PIK3C2A: variants seen among roughly 807,000 people sequenced by gnomAD.
PIK3C2A encodes phosphatidylinositol 4-phosphate 3-kinase C2 domain-containing subunit alpha.
In PIK3C2A, 97 loss-of-function variants were observed where a neutral mutation model predicts 204.5. That is an observed-to-expected ratio of 0.47 (90% CI 0.40 to 0.56). The LOEUF is 0.56. Among genes scored for constraint, PIK3C2A ranks in the 20% least tolerant of loss-of-function variants. The probability of loss-of-function intolerance (pLI) is 0.00; values close to 1 mark genes in which losing one functional copy is unlikely to be tolerated. For missense variants in PIK3C2A, 1,735 were observed against 1,969.2 expected, an observed-to-expected ratio of 0.88 and a Z score of 2.25; for synonymous variants, 653 against 664.4, an observed-to-expected ratio of 0.98 and a Z score of 0.26.
In PIK3C2A at chr11:17,092,032, G is replaced by T; in HGVS notation, c.4606C>A (p.Arg1536Ser). ...GCTATCCCTTCAGCTTTCTCATCAC[G>T]AAGTAAAGGGTGGAAGAAAGTACAA... ...LVCTFFHPLLRDEKAEGIARS... is the reference protein window; with the variant it reads ...LVCTFFHPLLSDEKAEGIARS... The change falls in exon 30 of 33, where the codon CGT becomes AGT. Residue 1536 changes from arginine (R) to serine (S), a missense_variant. This residue lies in a region of PIK3C2A where 503 missense variants were observed against 669.0 expected (regional missense o/e 0.75). Transcript: ENST00000691414. The T allele has an allele frequency of 6.2e-7, 1 of 1,611,370 alleles. No homozygotes were observed. Among genetic ancestry groups the T allele is most frequent in the Non-Finnish European group, 8.5e-7 (1 of 1,177,614 alleles).
rs368369418 is a variant in PIK3C2A, at chr11:17,149,007, T to C, written c.1328-220A>G. Among the ~76,000 whole-genome samples the C allele has an allele frequency of 7.9e-5, 12 of 152,294 alleles. No individual in the cohort carries two copies. The East Asian group carries it at 1.9e-3, about 24-fold the overall frequency. ...ATATGTTTTATTTAACCTAATACAGTTGGCCCTCTATATATGTTGGTTCTG... is the reference window on the plus strand; with the variant it reads ...ATATGTTTTATTTAACCTAATACAGCTGGCCCTCTATATATGTTGGTTCTG... On this transcript the variant is annotated intron_variant, in intron 4 of 32. Coordinates refer to ENST00000691414, the MANE Select transcript of PIK3C2A (RefSeq NM_002645.4).
At position 17,155,649 on chromosome 11, in the gene PIK3C2A, T is replaced by C; in HGVS notation, c.1066-20A>G. ...GTCTTTCTGTAATTAAAAAAGTGTT[T>C]TTATTTTAAAAGTGGAAGATCCACA... On this transcript the variant is annotated intron_variant, in intron 2 of 32. Transcript: ENST00000691414. 1 of 1,456,394 alleles carries C rather than the reference T, an allele frequency of 6.9e-7. No individual in the cohort carries two copies. Among genetic ancestry groups the C allele is most frequent in the South Asian group, 1.2e-5 (1 of 85,864 alleles). The allele number at this position is 1,456,394 out of a possible 1,614,324, so 90.2% of individuals were successfully genotyped here.
intron 32 of PIK3C2A, among the ~76,000 whole-genome samples, chr11:17,091,082 G>C (rs899379286): frequency 1.3e-5 from 2 of 151,962 alleles, no homozygotes. Flanking sequence ...TCAAAACAAT[G>C]GACACAGAGA....
chr11:17,143,797 C>T (rs557521049), intron 8 of PIK3C2A, among the ~76,000 whole-genome samples: 6 of 151,888 alleles, frequency 4.0e-5, no homozygotes, highest in East Asian at 1.9e-4. Flanking sequence ...ATTAGCCAGG[C>T]GTGGTGGCAC....
At position 17,119,841 on chromosome 11, in the gene PIK3C2A, G is replaced by A; in HGVS notation, c.2791C>T (p.Leu931Phe). Residue 931 changes from leucine (L) to phenylalanine (F), a missense_variant, in exon 16 of 33, where the codon CTT becomes TTT. Transcript: ENST00000691414. ...WVNLAKTYSL[L>F]HQWPALYPLI... is the part of the protein sequence containing the mutation. ...GGGTACAATGCAGGCCACTGGTGAA[G>A]CAATGAGTAAGTTTTGGCAAGATTA... 1 of 1,608,884 alleles carries A rather than the reference G, an allele frequency of 6.2e-7. No individual in the cohort carries two copies. The highest frequency in any genetic ancestry group is 8.5e-7 in the Non-Finnish European group (1 of 1,177,988).
intron 1 of PIK3C2A, among the ~76,000 whole-genome samples, chr11:17,205,715 AT>A (rs1267995932): frequency 6.6e-6 from 1 of 152,202 alleles, no homozygotes; most frequent in Non-Finnish European, 1.5e-5. Flanking sequence ...TTAATTGAAA[AT>A]TTTAGAACTA....
chr11:17,110,590 T>C, intron 21 of PIK3C2A, 29 bp from the exon 22 acceptor site: 2 of 1,594,920 alleles, frequency 1.3e-6, no homozygotes, highest in Admixed American at 1.7e-5. Flanking sequence ...AAATGAAACT[T>C]GTACATCTCC....
intron 2 of PIK3C2A, among the ~76,000 whole-genome samples, chr11:17,167,010 G>T (rs931489102): frequency 6.6e-6 from 1 of 151,848 alleles, no homozygotes; most frequent in East Asian, 1.9e-4. Flanking sequence ...TTGCTCTGTC[G>T]CCCAGGCTGG....
rs763504861 is a variant in PIK3C2A, at chr11:17,117,473, C to A, written c.3216+18G>T. 1 of 1,560,712 alleles carries A rather than the reference C, an allele frequency of 6.4e-7. No homozygotes were observed. The highest frequency in any genetic ancestry group is 1.8e-5 in the Admixed American group (1 of 56,836). On this transcript the variant is annotated intron_variant, in intron 19 of 32. Coordinates refer to ENST00000691414, the MANE Select transcript of PIK3C2A (RefSeq NM_002645.4). ...CTTTAACATTAACACATTTATATTACCTTTTATGGGTACATACCTGTCTGG... is the reference window on the plus strand; with the variant it reads ...CTTTAACATTAACACATTTATATTAACTTTTATGGGTACATACCTGTCTGG...
At position 17,092,411 on chromosome 11, in the gene PIK3C2A, G is replaced by A; in HGVS notation, c.4452-135C>T. 4 of 615,976 alleles carry A rather than the reference G, an allele frequency of 6.5e-6. No homozygotes were observed. In the South Asian group the frequency reaches 7.7e-5, roughly 12 times the overall value. The allele number at this position is 615,976 out of a possible 1,614,324, so 38.2% of individuals were successfully genotyped here. On this transcript the variant is annotated intron_variant, in intron 28 of 32. Coordinates refer to ENST00000691414, the MANE Select transcript of PIK3C2A (RefSeq NM_002645.4). ...GTAATATTTTGTGGCCGGGCACGGT[G>A]GCTCATGGCCTTTGGGAGGCCAAGG...
At chr11:17,163,515 C>T (rs1850849208) in intron 2 of PIK3C2A, among the ~76,000 whole-genome samples, 1 of 152,074 alleles carries the variant, frequency 6.6e-6, no homozygotes, top group South Asian at 2.1e-4. Context: ...GATCCTCCTA[C>T]TGCAGCTTCT....
At chr11:17,156,706 T>C (rs897905844) in intron 2 of PIK3C2A, among the ~76,000 whole-genome samples, 4 of 152,254 alleles carry the variant, frequency 2.6e-5, no homozygotes, top group Middle Eastern at 3.2e-3. Context: ...ATGAGTTTCC[T>C]TCCTTTAAAA....
chr11:17,190,277 C>T (rs1361973010), intron 1 of PIK3C2A, among the ~76,000 whole-genome samples: 16 of 148,786 alleles, frequency 1.1e-4, no homozygotes, highest in Non-Finnish European at 7.4e-5. Flanking sequence ...AAAATAGTAA[C>T]TTTAAAATAA....
At chr11:17,106,676 C>A (rs1244024963) in intron 22 of PIK3C2A, among the ~76,000 whole-genome samples, 1 of 152,136 alleles carries the variant, frequency 6.6e-6, no homozygotes, top group Non-Finnish European at 1.5e-5. Context: ...TCCCATCCTT[C>A]AGTGATCCGC....
intron 23 of PIK3C2A, among the ~76,000 whole-genome samples, chr11:17,104,529 T>C (rs1260750492): frequency 1.3e-5 from 2 of 151,860 alleles, no homozygotes; most frequent in African/African-American, 2.4e-5. Flanking sequence ...ATCGAGACCA[T>C]CCCGGCTAAC....
intron 27 of PIK3C2A, among the ~76,000 whole-genome samples, chr11:17,094,714 C>T (rs1205516738): frequency 6.6e-6 from 1 of 151,912 alleles, no homozygotes; most frequent in East Asian, 1.9e-4. Flanking sequence ...GAGCGAGACT[C>T]CATCTCAAAA....
chr11:17,176,785 CTAAAAAA>C (rs1851353919), intron 1 of PIK3C2A, among the ~76,000 whole-genome samples: 1 of 151,732 alleles, frequency 6.6e-6, no homozygotes, highest in Admixed American at 6.6e-5. Flanking sequence ...GTTTCTGTCT[CTAAAAAA>C]TAAAACAAAA....
intron 19 of PIK3C2A, 72 bp from the exon 20 acceptor site, chr11:17,114,537 T>G: frequency 1.4e-6 from 1 of 703,692 alleles, no homozygotes; most frequent in South Asian, 1.9e-5. Context: ...AGTTATGCTG[T>G]GGATACAATT....
At chr11:17,096,831 C>A (rs950445256) in intron 27 of PIK3C2A, among the ~76,000 whole-genome samples, 4 of 152,220 alleles carry the variant, frequency 2.6e-5, no homozygotes, top group Admixed American at 2.6e-4. Flanking sequence ...TTACAACAAG[C>A]ACACTTTACC....
Sources: gnomAD v4.1 joint callset for allele counts (sites outside exome capture counted in the v4.1 genomes callset) on GRCh38, gnomAD v4.1.1 for gene constraint, gnomAD v4.1.1 regional missense constraint, MANE v1.5 for transcripts, NCBI Gene and HGNC (gene_info 2026-07-23, HGNC 2026-07-21) for gene names.